STK32C: variants seen among roughly 807,000 people sequenced by gnomAD.
STK32C encodes serine/threonine kinase 32C, also known as serine/threonine-protein kinase 32C.
In STK32C, 31 loss-of-function variants were observed where a neutral mutation model predicts 56.5. That is an observed-to-expected ratio of 0.55 (90% CI 0.41 to 0.74). The LOEUF is 0.74. Among genes scored for constraint, STK32C ranks in the 30% least tolerant of loss-of-function variants. The pLI is 0.00. For synonymous variants in STK32C, 309 were observed against 289.4 expected, an observed-to-expected ratio of 1.07 and a Z score of -0.69; for missense variants, 544 against 676.9, an observed-to-expected ratio of 0.80 and a Z score of 2.18.
At chr10:132,269,272 T>C (rs1008612420) in intron 1 of STK32C, among the ~76,000 whole-genome samples, 2 of 152,222 alleles carry the variant, frequency 1.3e-5, no homozygotes, top group African/African-American at 4.8e-5. Context: ...CACGGTGGTA[T>C]GCACAGGGTG....
intron 1 of STK32C, among the ~76,000 whole-genome samples, chr10:132,292,215 A>C (rs976007433): frequency 6.6e-6 from 1 of 152,196 alleles, no homozygotes; most frequent in African/African-American, 2.4e-5. Context: ...CGAGGAGTAG[A>C]CAGCCAGTGC....
At chr10:132,271,169 G>A (rs965517120) in intron 1 of STK32C, among the ~76,000 whole-genome samples, 6 of 152,116 alleles carry the variant, frequency 3.9e-5, no homozygotes, top group African/African-American at 9.7e-5. Flanking sequence ...TTCAGCAGCC[G>A]GCACCCCTGA....
chr10:132,230,093 T>C (rs1345362158), intron 2 of STK32C, among the ~76,000 whole-genome samples: 1 of 151,270 alleles, frequency 6.6e-6, no homozygotes, highest in Admixed American at 6.6e-5. Flanking sequence ...CGGGGGCAGC[T>C]GCAGGCAGCC....
chr10:132,324,374 C>G lies in STK32C; in HGVS notation c.302-1G>C, dbSNP rs1278544849. On this transcript the variant is annotated splice_acceptor_variant, in intron 1 of 1. Transcript: ENST00000368619. LOFTEE classifies it high-confidence loss of function. ...GTCCTGGGGTGTGCTCTCAGAAGAC[C>G]TATATGAGGAAACAGAGGTCATCTT... 3 of 776,066 alleles carry G rather than the reference C, an allele frequency of 3.9e-6. No individual in the cohort carries two copies. The highest frequency in any genetic ancestry group is 7.2e-6 in the Non-Finnish European group (3 of 416,160). 48.1% of individuals were successfully genotyped at this position (776,066 alleles called of 1,614,324 possible).
At chr10:132,280,126 CCACTCTGTGATCACGCCCCTG>C (rs1296745497) in intron 1 of STK32C, among the ~76,000 whole-genome samples, 2,123 of 142,372 alleles carry the variant, frequency 0.015, 69 homozygotes, top group African/African-American at 0.048. Flanking sequence ...TCTGAGGCCT[CCACTCTGTGATCACGCCCCTG>C]CACTCTGTGA....
intron 7 of STK32C, 85 bp from the exon 8 acceptor site, chr10:132,224,608 G>A (rs968337352): frequency 1.4e-4 from 141 of 1,001,380 alleles, no homozygotes; most frequent in East Asian, 1.1e-3. Flanking sequence ...CCATCGCCCT[G>A]AGAGGACCCC....
intron 1 of STK32C, among the ~76,000 whole-genome samples, chr10:132,303,472 A>G: frequency 6.6e-6 from 1 of 152,194 alleles, no homozygotes; most frequent in South Asian, 2.1e-4. Flanking sequence ...ATAGAGAAAA[A>G]AGCTAAGTAG....
At chr10:132,330,512 C>G (rs117392241) in intron 1 of STK32C, 1 of 716,660 alleles carries the variant, frequency 1.4e-6, no homozygotes, top group Non-Finnish European at 2.6e-6. Context: ...TGGGTATGTA[C>G]GAAAACTTTT....
chr10:132,272,657 T>G (rs950769104), intron 1 of STK32C, among the ~76,000 whole-genome samples: 3 of 152,126 alleles, frequency 2.0e-5, no homozygotes, highest in Non-Finnish European at 2.9e-5. Context: ...CACCGTCCAC[T>G]CCCGCCTGGA....
chr10:132,242,072 T>C (rs1316699429), intron 2 of STK32C, among the ~76,000 whole-genome samples: 1 of 151,388 alleles, frequency 6.6e-6, no homozygotes, highest in African/African-American at 2.4e-5. Context: ...ATCACGCCAC[T>C]GCACTTTAGC....
At chr10:132,290,200 G>T (rs994934086) in intron 1 of STK32C, among the ~76,000 whole-genome samples, 2 of 152,112 alleles carry the variant, frequency 1.3e-5, no homozygotes, top group Non-Finnish European at 2.9e-5. Context: ...ATGCCTCCCC[G>T]CTGGACACCG....
At chr10:132,223,172 G>A (rs903114526) in intron 8 of STK32C, among the ~76,000 whole-genome samples, 186 bp from the exon 9 acceptor site, 1 of 152,238 alleles carries the variant, frequency 6.6e-6, no homozygotes, top group Admixed American at 6.5e-5. Flanking sequence ...CACCGTGGCT[G>A]GCTCAGCATG....
At position 132,245,913 on chromosome 10, in the gene STK32C, C is replaced by A; in HGVS notation, c.305G>T (p.Gly102Val). 6.2e-7 allele frequency: 1 copy of A among 1,613,404 alleles called. No homozygotes were observed. The change falls in exon 2 of 12, where the codon GGC becomes GTC. Residue 102 changes from glycine to valine, a missense_variant. By Grantham distance (109) the Gly-to-Val change is moderately radical. Around this residue, in one of 3 missense-constraint regions of STK32C, gnomAD observed 182 missense variants for 217.7 expected, o/e 0.84. Coordinates refer to ENST00000298630, the MANE Select transcript of STK32C (RefSeq NM_173575.4). ...GCCCTGCCTTACCTTGCCAAAGCTG[C>A]CCTTCCCAATGGCCCGAAGGATCTG... ...HFQILRAIGK[G>V]SFGKVCIVQK...
At chr10:132,302,448 C>T (rs1165130100) in intron 1 of STK32C, among the ~76,000 whole-genome samples, 1 of 152,146 alleles carries the variant, frequency 6.6e-6, no homozygotes, top group African/African-American at 2.4e-5. Context: ...CCCCAAGGGC[C>T]CCCAGGACAC....
intron 1 of STK32C, among the ~76,000 whole-genome samples, chr10:132,327,228 G>C (rs2066517308): frequency 6.6e-6 from 1 of 152,104 alleles, no homozygotes; most frequent in African/African-American, 2.4e-5. Flanking sequence ...ATTTTAAAAA[G>C]GGGAGTTCCC....
rs1325624395 is a variant in STK32C at position 132,236,632 on chromosome 10, G to A, written c.319-8504C>T. On this transcript the variant is annotated intron_variant, in intron 2 of 11. Coordinates refer to ENST00000298630, the MANE Select transcript of STK32C (RefSeq NM_173575.4). ...CAAGTTTAACTTTCCACACCAGAAC[G>A]GCTCAGTCACCCTCAACATGGTTTC... Among the ~76,000 whole-genome samples, 3 of 152,170 alleles carry A rather than the reference G, an allele frequency of 2.0e-5. No homozygotes were observed. The South Asian group carries it at 6.2e-4, about 32-fold the overall frequency.
chr10:132,218,720 T>C (rs924856204), intron 10 of STK32C, among the ~76,000 whole-genome samples: 5 of 152,150 alleles, frequency 3.3e-5, no homozygotes, highest in Non-Finnish European at 5.9e-5. Context: ...AAAATAAAAG[T>C]ACATATCCAC....
intron 1 of STK32C, among the ~76,000 whole-genome samples, chr10:132,288,632 A>T (rs927487440): frequency 1.3e-5 from 2 of 152,236 alleles, no homozygotes; most frequent in Non-Finnish European, 1.5e-5. Flanking sequence ...CTTCAATAAA[A>T]CTGATATTAA....
intron 10 of STK32C, among the ~76,000 whole-genome samples, chr10:132,220,226 G>A (rs1203249012): frequency 1.3e-5 from 2 of 152,202 alleles, no homozygotes; most frequent in African/African-American, 2.4e-5. Flanking sequence ...AGATGGAGAC[G>A]CACACACAGG....
Sources: gnomAD v4.1 joint callset for allele counts (sites outside exome capture counted in the v4.1 genomes callset) on GRCh38, gnomAD v4.1.1 for gene constraint, gnomAD v4.1.1 regional missense constraint, MANE v1.5 for transcripts, NCBI Gene and HGNC (gene_info 2026-07-23, HGNC 2026-07-21) for gene names.